Variants in GALNT5 observed in about 807,000 individuals in gnomAD.
GALNT5 encodes the protein polypeptide N-acetylgalactosaminyltransferase 5.
A neutral mutation model predicts 85.4 loss-of-function variants in GALNT5; 72 were observed. That is an observed-to-expected ratio of 0.84 (90% CI 0.70 to 1.03). GALNT5 has a LOEUF of 1.03. Among genes scored for constraint, GALNT5 ranks in the 50% least tolerant of loss-of-function variants. The pLI, the probability that GALNT5 is intolerant of heterozygous loss-of-function variation, is 0.00. For missense variants in GALNT5, 1,137 were observed against 1,135.5 expected, an observed-to-expected ratio of 1.00 and a Z score of -0.02; for synonymous variants, 404 against 397.0, an observed-to-expected ratio of 1.02 and a Z score of -0.21.
intron 1 of GALNT5, among the ~76,000 whole-genome samples, chr2:157,268,984 G>A (rs930703007): frequency 6.6e-6 from 1 of 152,132 alleles, no homozygotes; most frequent in African/African-American, 2.4e-5. Context: ...GATATAGGCA[G>A]AAATTAAGGA....
chr2:157,279,207 G>T (rs1047617484), intron 1 of GALNT5, among the ~76,000 whole-genome samples: 4 of 152,170 alleles, frequency 2.6e-5, no homozygotes, highest in African/African-American at 9.7e-5. Flanking sequence ...TCGTCCCAGA[G>T]GGGCACCCGC....
chr2:157,259,168 T>G lies in GALNT5; in HGVS notation c.1086T>G (p.Asn362Lys), dbSNP rs760847613. Residue 362 changes from asparagine (N) to lysine (K), a missense_variant, in exon 1 of 10, where the codon AAT becomes AAG. Coordinates refer to ENST00000259056, the MANE Select transcript of GALNT5 (RefSeq NM_014568.3). ...GCCAAAGTAAACACATTTCCAGGAA[T>G]AGAAGTGAGATGTCTTCCTCTTCAC... is the stretch of plus-strand genomic sequence containing the variant. ...GKSQSKHISR[N>K]RSEMSSSSLA... is the part of the protein sequence containing the mutation. 1 of 1,521,664 alleles carries G rather than the reference T, an allele frequency of 6.6e-7. No homozygotes were observed. Among genetic ancestry groups the G allele is most frequent in the Non-Finnish European group, 8.8e-7 (1 of 1,137,394 alleles). The allele number at this position is 1,521,664 out of a possible 1,614,324, so 94.3% of individuals were successfully genotyped here. A position where few individuals can be genotyped will look rare whatever the true frequency, so the allele number is the denominator to read the frequency against.
chr2:157,276,785 T>G (rs1299659212), intron 1 of GALNT5, among the ~76,000 whole-genome samples: 3 of 152,090 alleles, frequency 2.0e-5, no homozygotes, highest in Non-Finnish European at 4.4e-5. Context: ...CTGGATTCAC[T>G]GATTTTTTGA....
intron 3 of GALNT5, 95 bp from the exon 4 acceptor site, chr2:157,295,568 C>A: frequency 3.3e-6 from 3 of 911,452 alleles, no homozygotes; most frequent in Non-Finnish European, 4.9e-6. Flanking sequence ...TTTATAGCCA[C>A]ATTTCTGGAG....
intron 3 of GALNT5, among the ~76,000 whole-genome samples, chr2:157,289,300 A>C (rs1335085007): frequency 1.3e-5 from 2 of 152,174 alleles, no homozygotes; most frequent in Non-Finnish European, 2.9e-5. Context: ...ATTTATTTGA[A>C]TTTAGCAAAT....
At chr2:157,310,097 A>T (rs76391571) in intron 9 of GALNT5, among the ~76,000 whole-genome samples, 4,336 of 152,246 alleles carry the variant, frequency 0.028, 216 homozygotes, top group African/African-American at 0.097. Flanking sequence ...GAAAGAGTTC[A>T]AGCATAGCAG....
Position 157,313,828 on chromosome 2 carries a change from A to G in GALNT5, c.*2480A>G, listed in dbSNP as rs896214740. The stretch of plus-strand genomic sequence containing the variant: ...ATTATATAAAGCTATATTTAAATCT[A>G]TATTGTCAATATAACAAAGGATTGT... On this transcript the variant is annotated 3_prime_UTR_variant, in exon 10 of 10. Coordinates refer to ENST00000259056, the MANE Select transcript of GALNT5 (RefSeq NM_014568.3). The G allele has an allele frequency of 6.6e-6, 1 of 152,186 alleles. No individual in the cohort carries two copies. The highest frequency in any genetic ancestry group is 6.5e-5 in the Admixed American group (1 of 15,276). The allele number at this position is 152,186 out of a possible 1,614,324, so 9.4% of individuals were successfully genotyped here. A position where few individuals can be genotyped will look rare whatever the true frequency, so the allele number is the denominator to read the frequency against.
intron 1 of GALNT5, among the ~76,000 whole-genome samples, chr2:157,282,010 G>C (rs1290399297): frequency 1.3e-5 from 2 of 152,166 alleles, no homozygotes; most frequent in African/African-American, 4.8e-5. Context: ...AAAGTAAACT[G>C]ATAAAGCTCT....
chr2:157,296,167 T>C (rs1186776870), intron 4 of GALNT5, among the ~76,000 whole-genome samples: 1 of 152,136 alleles, frequency 6.6e-6, no homozygotes, highest in Non-Finnish European at 1.5e-5. Context: ...CAAAACTGGC[T>C]AGCATATTGT....
chr2:157,279,023 T>G (rs561790302), intron 1 of GALNT5, among the ~76,000 whole-genome samples: 3 of 152,350 alleles, frequency 2.0e-5, no homozygotes, highest in Admixed American at 2.0e-4. Flanking sequence ...TTTTTGTTGA[T>G]GTTGATGCTA....
At chr2:157,264,392 T>A (rs946452962) in intron 1 of GALNT5, among the ~76,000 whole-genome samples, 1 of 152,190 alleles carries the variant, frequency 6.6e-6, no homozygotes, top group Admixed American at 6.5e-5. Flanking sequence ...ATTTAGTTTT[T>A]AAAGTACAAT....
At chr2:157,278,647 A>G (rs1682790406) in intron 1 of GALNT5, among the ~76,000 whole-genome samples, 1 of 152,108 alleles carries the variant, frequency 6.6e-6, no homozygotes. Flanking sequence ...TTCTCTTGCC[A>G]TGGTTTTCAG....
Position 157,318,231 on chromosome 2 carries a change from CA to C in GALNT5, c.*6887del. On this transcript the variant is annotated 3_prime_UTR_variant, in exon 10 of 10. Coordinates refer to ENST00000259056, the MANE Select transcript of GALNT5 (RefSeq NM_014568.3). The stretch of plus-strand genomic sequence containing the variant: ...GTCCGTTCTCCATTTGAAAATATGC[CA>C]AAAGTATGATCCCATGTAAATATGC... 6.6e-6 allele frequency among the ~76,000 whole-genome samples: 1 copy of C among 152,054 alleles called. No homozygotes were observed. The highest frequency in any genetic ancestry group is 2.4e-5 in the African/African-American group (1 of 41,504).
At position 157,273,630 on chromosome 2, in the gene GALNT5, C is replaced by CTTTTT. The variant is rs35430045; in HGVS notation, c.1455-10627_1455-10623dup. On this transcript the variant is annotated intron_variant, in intron 1 of 9. Coordinates refer to ENST00000259056, the MANE Select transcript of GALNT5 (RefSeq NM_014568.3). The stretch of plus-strand genomic sequence containing the variant: ...TTATTTGAAAACAGCATATTTCTTG[C>CTTTTT]TTTTTTTTTTTTTTTTTTTTTTTTT... Among the ~76,000 whole-genome samples the CTTTTT allele has an allele frequency of 5.2e-3, 123 of 23,742 alleles. 19 individuals carry two copies. The highest frequency in any genetic ancestry group is 0.016 in the East Asian group (10 of 642). 15.6% of individuals were successfully genotyped at this position (23,742 alleles called of 152,430 possible). A position where few individuals can be genotyped will look rare whatever the true frequency, so the allele number is the denominator to read the frequency against.
chr2:157,317,365 A>G lies in GALNT5; in HGVS notation c.*6017A>G, dbSNP rs1451558177. On this transcript the variant is annotated 3_prime_UTR_variant, in exon 10 of 10. Transcript: ENST00000259056. ...TATCTCAAGTGAACTTACACTCTGG[A>G]TACCATTTTCCAAACTTGAAGGAGT... Among the ~76,000 whole-genome samples the G allele has an allele frequency of 3.3e-5, 5 of 152,012 alleles. No homozygotes were observed. The highest frequency in any genetic ancestry group is 2.6e-4 in the Admixed American group (4 of 15,254).
chr2:157,270,170 T>C (rs1682551063), intron 1 of GALNT5, among the ~76,000 whole-genome samples: 1 of 152,162 alleles, frequency 6.6e-6, no homozygotes, highest in South Asian at 2.1e-4. Flanking sequence ...TCAACCACCT[T>C]ACACCAGTCC....
At chr2:157,272,103 T>C (rs529646386) in intron 1 of GALNT5, among the ~76,000 whole-genome samples, 6 of 152,286 alleles carry the variant, frequency 3.9e-5, no homozygotes, top group Non-Finnish European at 8.8e-5. Flanking sequence ...TCAACTGCCA[T>C]TGTAAGGTGG....
intron 3 of GALNT5, among the ~76,000 whole-genome samples, chr2:157,290,680 T>C (rs1683081133): frequency 2.0e-5 from 3 of 152,142 alleles, no homozygotes; most frequent in African/African-American, 7.2e-5. Context: ...TTGATGCTAC[T>C]GTTCCCTAAA....
intron 2 of GALNT5, 64 bp from the exon 3 acceptor site, chr2:157,285,951 C>T: frequency 7.7e-7 from 1 of 1,292,318 alleles, no homozygotes. Flanking sequence ...TTGGGGAGCA[C>T]TTCTGATACT....
Sources: gnomAD v4.1 joint callset for allele counts (sites outside exome capture counted in the v4.1 genomes callset) on GRCh38, gnomAD v4.1.1 for gene constraint, MANE v1.5 for transcripts, NCBI Gene and HGNC (gene_info 2026-07-23, HGNC 2026-07-21) for gene names.